The following SP3 variants were observed in gnomAD, a reference collection of about 807,000 sequenced individuals.
SP3 encodes the protein transcription factor Sp3.
Under a neutral mutation model 70.3 loss-of-function variants are expected in SP3, and 10 were observed. That is an observed-to-expected ratio of 0.14 (90% CI 0.09 to 0.24). The LOEUF is 0.24. Among genes scored for constraint, SP3 ranks in the 10% least tolerant of loss-of-function variants. The pLI is 1.00. For missense variants in SP3, 825 were observed against 914.6 expected (o/e 0.90, Z 1.26); for synonymous variants, 402 against 333.5 (o/e 1.21, Z -2.24).
chr2:173,954,675 T>C (rs552524144), intron 4 of SP3, among the ~76,000 whole-genome samples, 198 bp downstream of exon 4: 7 of 152,342 alleles, frequency 4.6e-5, no homozygotes, highest in South Asian at 4.1e-4. Context: ...CATGAATCCC[T>C]AACTTCAAAA....
At chr2:173,915,047 A>G (rs901035153) in intron 5 of SP3, 55 of 152,116 alleles carry the variant, frequency 3.6e-4, no homozygotes, top group African/African-American at 1.3e-3. Flanking sequence ...GCGCTTTTAC[A>G]AACTCAAAAG....
In SP3 at chr2:173,905,054, CTT is replaced by C. The variant is rs1464706975; in HGVS notation, c.*4885_*4886del. ...AAAATACACATTTAGGTGCTTCAGT[CTT>C]TTCTTCTTATTCCATCCTTTTCTGA... On this transcript the variant is annotated 3_prime_UTR_variant, in exon 7 of 7. Transcript: ENST00000310015. Among the ~76,000 whole-genome samples the C allele has an allele frequency of 6.6e-6, 1 of 152,182 alleles. No homozygotes were observed. The highest frequency in any genetic ancestry group is 1.5e-5 in the Non-Finnish European group (1 of 68,014).
At chr2:173,946,478 T>C (rs1407248276) in intron 4 of SP3, among the ~76,000 whole-genome samples, 1 of 152,146 alleles carries the variant, frequency 6.6e-6, no homozygotes, top group Non-Finnish European at 1.5e-5. Context: ...ATTTCTGTAA[T>C]TACTGTTATT....
rs1302077880 is a variant in SP3, at chr2:173,954,381, CACA to C, written c.1639+489_1639+491del. ...TACCTAGTCCAACACCTCCATTTTA[CACA>C]ACAAGGAAACTGAGTTTGCGAAAGA... On this transcript the variant is annotated intron_variant, in intron 4 of 6. Transcript: ENST00000310015. Among the ~76,000 whole-genome samples the C allele has an allele frequency of 2.6e-5, 4 of 152,272 alleles. No homozygotes were observed. In the East Asian group the frequency reaches 5.8e-4, roughly 22 times the overall value.
At chr2:173,910,856 T>G (rs1375401782) in intron 6 of SP3, among the ~76,000 whole-genome samples, 2 of 152,148 alleles carry the variant, frequency 1.3e-5, no homozygotes, top group African/African-American at 2.4e-5. Context: ...GCTGTTAAAA[T>G]CCTGATGCCT....
At chr2:173,933,884 GAAC>G (rs1690142497) in intron 4 of SP3, among the ~76,000 whole-genome samples, 2 of 151,576 alleles carry the variant, frequency 1.3e-5, no homozygotes, top group South Asian at 4.2e-4. Context: ...CTTTACCATG[GAAC>G]ATCATTTGCC....
At chr2:173,910,705 G>C (rs964505393) in intron 6 of SP3, among the ~76,000 whole-genome samples, 5 of 152,088 alleles carry the variant, frequency 3.3e-5, no homozygotes, top group Non-Finnish European at 5.9e-5. Flanking sequence ...TAAAGCAACA[G>C]GGTACTTCTA....
At chr2:173,964,906 A>C (rs1159168929) in intron 1 of SP3, 3 of 504,944 alleles carry the variant, frequency 5.9e-6, no homozygotes, top group Non-Finnish European at 6.9e-6. Flanking sequence ...CCGCGCCCGC[A>C]CACAGGGGGA....
Position 173,965,368 on chromosome 2 carries a change from G to A in SP3, c.-197C>T, listed in dbSNP as rs1020137883. 9.9e-6 allele frequency: 6 copies of A among 607,244 alleles called. No individual in the cohort carries two copies. The highest frequency in any genetic ancestry group is 1.7e-5 in the Non-Finnish European group (6 of 346,542). The allele number at this position is 607,244 out of a possible 1,614,324, so 37.6% of individuals were successfully genotyped here. On this transcript the variant is annotated 5_prime_UTR_variant, in exon 1 of 7. Coordinates refer to ENST00000310015, the MANE Select transcript of SP3 (RefSeq NM_003111.5). ...CCTCCAGCCCAAAAGGGGGGAAGAG[G>A]GTGACAGCCCGCCCGGAACTCCCGC... is the stretch of plus-strand genomic sequence containing the variant.
At chr2:173,934,973 A>G (rs1690170847) in intron 4 of SP3, among the ~76,000 whole-genome samples, 1 of 152,230 alleles carries the variant, frequency 6.6e-6, no homozygotes, top group Admixed American at 6.5e-5. Context: ...AGCATCACAA[A>G]GAAGGTCTTA....
rs1689262656 is a variant in SP3 at position 173,904,537 on chromosome 2, A to G, written c.*5404T>C. On this transcript the variant is annotated 3_prime_UTR_variant, in exon 7 of 7. Transcript: ENST00000310015. ...AAACACTGCCAAGTTATCAGGAATC[A>G]AGAAAGCCATTTTCTTTTTCTTCTG... 6.6e-6 allele frequency among the ~76,000 whole-genome samples: 1 copy of G among 152,228 alleles called. No homozygotes were observed. Among genetic ancestry groups the G allele is most frequent in the Admixed American group, 6.5e-5 (1 of 15,286 alleles).
intron 6 of SP3, 97 bp downstream of exon 6, chr2:173,912,971 ATC>A (rs34336652): frequency 0.47 from 381,409 of 816,048 alleles, 91,031 homozygotes; most frequent in African/African-American, 0.55. Flanking sequence ...TGTATTTTAA[ATC>A]GATTCAGTTC....
intron 2 of SP3, chr2:173,964,193 G>T: frequency 2.2e-6 from 1 of 458,730 alleles, no homozygotes; most frequent in Non-Finnish European, 3.8e-6. Context: ...ACTCACACGC[G>T]CACAAAAAGG....
At position 173,903,612 on chromosome 2, in the gene SP3, A is replaced by G. The variant is rs1038860397; in HGVS notation, c.*6329T>C. Among the ~76,000 whole-genome samples, 4 of 152,210 alleles carry G rather than the reference A, an allele frequency of 2.6e-5. No individual in the cohort carries two copies. Among genetic ancestry groups the G allele is most frequent in the African/African-American group, 9.7e-5 (4 of 41,450 alleles). On this transcript the variant is annotated 3_prime_UTR_variant, in exon 7 of 7. Coordinates refer to ENST00000310015, the MANE Select transcript of SP3 (RefSeq NM_003111.5). ...GTATACATAATTAAAAGAAAGACCC[A>G]AACCTATTCTGAGTCCTAACACACA... is the stretch of plus-strand genomic sequence containing the variant.
At chr2:173,920,092 G>A (rs916816429) in intron 4 of SP3, among the ~76,000 whole-genome samples, 21 of 151,006 alleles carry the variant, frequency 1.4e-4, no homozygotes, top group African/African-American at 4.4e-4. Context: ...AAGCCCCCCC[G>A]CACCCCCTAT....
chr2:173,928,451 A>C (rs1689978756), intron 4 of SP3, among the ~76,000 whole-genome samples: 1 of 152,124 alleles, frequency 6.6e-6, no homozygotes, highest in Non-Finnish European at 1.5e-5. Flanking sequence ...TAGGGGGAAA[A>C]CAACCAACCA....
intron 4 of SP3, among the ~76,000 whole-genome samples, chr2:173,939,903 G>T (rs1204660385): frequency 6.6e-6 from 1 of 151,902 alleles, no homozygotes; most frequent in Non-Finnish European, 1.5e-5. Flanking sequence ...TGTTTTTTAA[G>T]AGAGAGTCAC....
intron 6 of SP3, among the ~76,000 whole-genome samples, chr2:173,912,534 G>A (rs1452874936): frequency 2.0e-5 from 3 of 149,048 alleles, no homozygotes; most frequent in Non-Finnish European, 3.0e-5. Flanking sequence ...TCAGTCACAG[G>A]TCCATTTCAT....
In SP3 at chr2:173,907,984, A is replaced by G. The variant is rs868149607; in HGVS notation, c.*1957T>C. 1 of 152,100 alleles carries G rather than the reference A, an allele frequency of 6.6e-6. No individual in the cohort carries two copies. The highest frequency in any genetic ancestry group is 1.5e-5 in the Non-Finnish European group (1 of 67,962). The allele number at this position is 152,100 out of a possible 1,614,324, so 9.4% of individuals were successfully genotyped here. A position where few individuals can be genotyped will look rare whatever the true frequency, so the allele number is the denominator to read the frequency against. On this transcript the variant is annotated 3_prime_UTR_variant, in exon 7 of 7. Coordinates refer to ENST00000310015, the MANE Select transcript of SP3 (RefSeq NM_003111.5). ...ACTGGGCCTGGAAAACAGAAAATGGACATCTTTACCCCCACTGTATACATG... is the reference window on the plus strand; with the variant it reads ...ACTGGGCCTGGAAAACAGAAAATGGGCATCTTTACCCCCACTGTATACATG...
Sources: gnomAD v4.1 joint callset for allele counts (sites outside exome capture counted in the v4.1 genomes callset) on GRCh38, gnomAD v4.1.1 for gene constraint, MANE v1.5 for transcripts, NCBI Gene and HGNC (gene_info 2026-07-23, HGNC 2026-07-21) for gene names.